The following KDM6A variants were observed in gnomAD, a reference collection of about 807,000 sequenced individuals.
KDM6A encodes the protein lysine-specific demethylase 6A.
KDM6A carries 11 observed loss-of-function variants against 117.6 expected under a neutral mutation model. The ratio of observed to expected loss-of-function variants is 0.09; its 90% CI spans 0.06 to 0.15. The LOEUF is 0.15. Ranked by LOEUF, KDM6A falls within the 10% of genes least tolerant of loss-of-function variation. KDM6A has a pLI of 1.00. For synonymous variants in KDM6A, 384 were observed against 396.1 expected, an observed-to-expected ratio of 0.97 and a Z score of 0.36; for missense variants, 799 against 1,077.3, an observed-to-expected ratio of 0.74 and a Z score of 3.62.
intron 8 of KDM6A, among the ~76,000 whole-genome samples, chrX:45,043,789 T>A (rs1395441833): frequency 1.8e-5 from 2 of 110,443 alleles, no homozygotes; most frequent in Non-Finnish European, 3.8e-5. Context: ...AAAAAAAAAA[T>A]GATTCTCATA....
chrX:45,019,490 G>T (rs953769816), intron 5 of KDM6A, among the ~76,000 whole-genome samples: 1 of 111,980 alleles, frequency 8.9e-6, no homozygotes, highest in African/African-American at 3.2e-5. Context: ...ATGAATTGAT[G>T]AAAGTAAAGT....
At chrX:44,947,532 C>T (rs1422663633) in intron 2 of KDM6A, among the ~76,000 whole-genome samples, 1 of 109,498 alleles carries the variant, frequency 9.1e-6, no homozygotes, top group Non-Finnish European at 1.9e-5. Context: ...CCCGCCACCA[C>T]GCCCGACTAA....
chrX:45,030,535 C>T lies in KDM6A; in HGVS notation c.565-4396C>T, dbSNP rs2042558452. On this transcript the variant is annotated intron_variant, in intron 6 of 29. Transcript: ENST00000611820. ...CAGATCATCTTGACCAGGAACGTGG[C>T]TCACAAGCCCTACCAAAACTTAGCC... 2.8e-5 allele frequency among the ~76,000 whole-genome samples: 3 copies of T among 107,345 alleles called. No homozygotes were observed. In the Admixed American group the frequency reaches 3.0e-4, roughly 11 times the overall value. The allele number at this position is 107,345 out of a possible 115,157, so 93.2% of individuals were successfully genotyped here.
chrX:44,976,155 C>G (rs2039608853), intron 4 of KDM6A, among the ~76,000 whole-genome samples: 1 of 111,848 alleles, frequency 8.9e-6, no homozygotes, highest in African/African-American at 3.3e-5. Flanking sequence ...TCACAGCCAT[C>G]ATCACAGTCT....
In KDM6A at chrX:45,112,557, G is replaced by A. The variant is rs2046795385; in HGVS notation, c.*1146G>A. On this transcript the variant is annotated 3_prime_UTR_variant, in exon 30 of 30. Coordinates refer to ENST00000611820, the MANE Select transcript of KDM6A (RefSeq NM_001291415.2). ...AAATGTCAGACTGGTTTATTGTTAA[G>A]TTGCAATTACTGCAATGACAGACCA... The A allele has an allele frequency of 7.4e-6, 1 of 134,263 alleles. No individual in the cohort carries two copies. The highest frequency in any genetic ancestry group is 9.2e-5 in the Admixed American group (1 of 10,923). The allele number at this position is 134,263 out of a possible 1,213,427, so 11.1% of individuals were successfully genotyped here. A position where few individuals can be genotyped will look rare whatever the true frequency, so the allele number is the denominator to read the frequency against.
chrX:45,111,034 A>G (rs1181904379), intron 29 of KDM6A, among the ~76,000 whole-genome samples: 4 of 112,283 alleles, frequency 3.6e-5, no homozygotes, highest in African/African-American at 1.3e-4. Context: ...TAGATTCTGA[A>G]GGCAGTCACT....
chrX:45,111,753 T>TC lies in KDM6A; in HGVS notation c.*347dup. The TC allele has an allele frequency of 4.8e-6, 1 of 209,442 alleles. No homozygotes were observed. The highest frequency in any genetic ancestry group is 7.0e-5 in the Admixed American group (1 of 14,194). 17.3% of individuals were successfully genotyped at this position (209,442 alleles called of 1,213,427 possible). A position where few individuals can be genotyped will look rare whatever the true frequency, so the allele number is the denominator to read the frequency against. Reference sequence around the variant, plus strand: ...GATGAATTTGTTTTCATCTGTCTTTTCCCCCTTCAGAATTTTCCTTGGAAA... The same window carrying TC: ...GATGAATTTGTTTTCATCTGTCTTTTCCCCCCTTCAGAATTTTCCTTGGAAA... On this transcript the variant is annotated 3_prime_UTR_variant, in exon 30 of 30. Transcript: ENST00000611820.
chrX:44,978,631 A>G lies in KDM6A; in HGVS notation c.384+3916A>G, dbSNP rs184496367. Among the ~76,000 whole-genome samples the G allele has an allele frequency of 4.4e-4, 49 of 112,051 alleles. No individual in the cohort carries two copies. In the South Asian group the frequency reaches 0.015, roughly 34 times the overall value. Reference sequence around the variant, plus strand: ...AGATATATTTAGCATTATTTTAAGCATTTTTTGAGATATGATTTACATTAT... The same window carrying G: ...AGATATATTTAGCATTATTTTAAGCGTTTTTTGAGATATGATTTACATTAT... On this transcript the variant is annotated intron_variant, in intron 4 of 29. Transcript: ENST00000611820.
chrX:45,027,371 G>A (rs1747511062), intron 6 of KDM6A, among the ~76,000 whole-genome samples: 2 of 93,113 alleles, frequency 2.1e-5, no homozygotes, highest in South Asian at 4.5e-4. Flanking sequence ...ACACACACCC[G>A]CCCGTCTCTT....
intron 21 of KDM6A, among the ~76,000 whole-genome samples, 193 bp downstream of exon 21, chrX:45,079,544 C>T (rs111309636): frequency 3.1e-5 from 3 of 95,858 alleles, no homozygotes; most frequent in Non-Finnish European, 4.4e-5. Context: ...TATGTATGTA[C>T]GTACGTATGT....
Position 44,961,411 on chromosome X carries a change from A to G in KDM6A, c.334+19A>G, listed in dbSNP as rs201563900. ...CCAAAAGGTAATTTTTTTCTTGTTC[A>G]TTATTGTTTGATTTATACATGTGTT... On this transcript the variant is annotated intron_variant, in intron 3 of 29. Coordinates refer to ENST00000611820, the MANE Select transcript of KDM6A (RefSeq NM_001291415.2). 4.0e-6 allele frequency: 4 copies of G among 997,291 alleles called. No homozygotes were observed. Among genetic ancestry groups the G allele is most frequent in the African/African-American group, 1.9e-5 (1 of 53,075 alleles). The allele number at this position is 997,291 out of a possible 1,213,427, so 82.2% of individuals were successfully genotyped here. A position where few individuals can be genotyped will look rare whatever the true frequency, so the allele number is the denominator to read the frequency against.
chrX:44,963,440 A>AGTGTGTGTGTGTGTGTGT (rs747821170), intron 3 of KDM6A, among the ~76,000 whole-genome samples: 7 of 69,879 alleles, frequency 1.0e-4, no homozygotes, highest in Admixed American at 3.5e-4. Context: ...AGGGTGACAG[A>AGTGTGTGTGTGTGTGTGT]GTGTGTGTGT....
chrX:44,981,889 G>A (rs889264379), intron 4 of KDM6A, among the ~76,000 whole-genome samples: 1 of 111,807 alleles, frequency 8.9e-6, no homozygotes, highest in Non-Finnish European at 1.9e-5. Context: ...TTTGAGACCA[G>A]CCTGGCCAAC....
chrX:44,973,488 A>G (rs771598957), intron 3 of KDM6A, among the ~76,000 whole-genome samples: 8 of 111,747 alleles, frequency 7.2e-5, no homozygotes, highest in Non-Finnish European at 1.1e-4. Context: ...CCTTTATTCT[A>G]GCCTCCTAAT....
At chrX:44,975,533 ATATCT>A (rs2039571831) in intron 4 of KDM6A, among the ~76,000 whole-genome samples, 1 of 111,305 alleles carries the variant, frequency 9.0e-6, no homozygotes, top group Non-Finnish European at 1.9e-5. Flanking sequence ...TCTTTTGAAA[ATATCT>A]TCTCTAATCT....
intron 27 of KDM6A, among the ~76,000 whole-genome samples, chrX:45,091,376 T>C (rs1401345590): frequency 8.9e-6 from 1 of 111,832 alleles, no homozygotes; most frequent in Non-Finnish European, 1.9e-5. Context: ...AATACATATA[T>C]ACCAGTAAGC....
chrX:44,998,465 A>G (rs755353361), intron 4 of KDM6A, among the ~76,000 whole-genome samples: 67 of 112,253 alleles, frequency 6.0e-4, no homozygotes, highest in Admixed American at 1.2e-3. Flanking sequence ...TTCATGGTAT[A>G]TGTAACAGAT....
chrX:45,112,326 T>A lies in KDM6A; in HGVS notation c.*915T>A, dbSNP rs949634733. On this transcript the variant is annotated 3_prime_UTR_variant, in exon 30 of 30. Coordinates refer to ENST00000611820, the MANE Select transcript of KDM6A (RefSeq NM_001291415.2). ...TTTTTGTTCATTTTTGAAATCTGAT[T>A]ATATATATTTTATATATACTTATGT... is the stretch of plus-strand genomic sequence containing the variant. 3 of 128,827 alleles carry A rather than the reference T, an allele frequency of 2.3e-5. No homozygotes were observed. Among genetic ancestry groups the A allele is most frequent in the Non-Finnish European group, 4.7e-5 (3 of 64,078 alleles). The allele number at this position is 128,827 out of a possible 1,213,427, so 10.6% of individuals were successfully genotyped here. A position where few individuals can be genotyped will look rare whatever the true frequency, so the allele number is the denominator to read the frequency against.
chrX:44,903,656 C>T (rs1446731786), intron 2 of KDM6A, among the ~76,000 whole-genome samples: 2 of 110,367 alleles, frequency 1.8e-5, no homozygotes, highest in Non-Finnish European at 3.8e-5. Context: ...CTAGATAATC[C>T]CAGTTACCTC....
Sources: allele counts gnomAD v4.1 joint callset (sites outside exome capture counted in the v4.1 genomes callset), GRCh38; gene constraint gnomAD v4.1.1; transcripts MANE v1.5; gene names NCBI Gene and HGNC (gene_info 2026-07-23, HGNC 2026-07-21).